Variants in NAA15 observed in about 807,000 individuals in gnomAD.
NAA15 encodes N-terminal acetyltransferase.
In NAA15, 34 loss-of-function variants were observed where a neutral mutation model predicts 114.0. The observed-to-expected ratio is 0.30, with a 90% CI of 0.23 to 0.40. The LOEUF is 0.40. Among genes scored for constraint, NAA15 ranks in the 10% least tolerant of loss-of-function variants. NAA15 has a pLI of 1.00. For missense variants in NAA15, 658 were observed against 1,004.5 expected (o/e 0.66, Z 4.66); for synonymous variants, 340 against 338.0 (o/e 1.01, Z -0.06).
Position 139,370,394 on chromosome 4 carries a change from A to G in NAA15, c.1937A>G (p.Lys646Arg). ...GGPKEELIPE[K>R]LAKVETPLEE... ...CCAAAAGAAGAACTTATTCCAGAGA[A>G]ACTGGCCAAGGTACTTAATAATAGT... Residue 646 changes from lysine to arginine, a missense_variant, in exon 15 of 20, where the codon AAA becomes AGA. By Grantham distance (26) the Lys-to-Arg change is conservative. Coordinates refer to ENST00000296543, the MANE Select transcript of NAA15 (RefSeq NM_057175.5). 1 of 1,575,516 alleles carries G rather than the reference A, an allele frequency of 6.3e-7. No individual in the cohort carries two copies. The highest frequency in any genetic ancestry group is 8.5e-7 in the Non-Finnish European group (1 of 1,169,606).
At chr4:139,328,415 C>T (rs896301112) in intron 1 of NAA15, among the ~76,000 whole-genome samples, 4 of 151,926 alleles carry the variant, frequency 2.6e-5, no homozygotes, top group Non-Finnish European at 4.4e-5. Context: ...ACCATGTTGT[C>T]CAGACTGGTT....
chr4:139,315,507 G>A (rs1746381789), intron 1 of NAA15, among the ~76,000 whole-genome samples: 1 of 151,822 alleles, frequency 6.6e-6, no homozygotes, highest in Non-Finnish European at 1.5e-5. Flanking sequence ...GACAGCGTGA[G>A]ACCGCGTCTC....
rs144926341 is a variant in NAA15 at position 139,357,897 on chromosome 4, G to T, written c.1257+342G>T. Among the ~76,000 whole-genome samples, 186 of 152,264 alleles carry T rather than the reference G, an allele frequency of 1.2e-3. 3 individuals carry two copies. In the East Asian group the frequency reaches 0.033, roughly 27 times the overall value. ...AATGTGTATTTCTATTAAAATTTGA[G>T]TATGATAACATATCAGTATCTGGCA... On this transcript the variant is annotated intron_variant, in intron 11 of 19. Transcript: ENST00000296543.
At chr4:139,310,387 G>C (rs1431387948) in intron 1 of NAA15, among the ~76,000 whole-genome samples, 2 of 148,754 alleles carry the variant, frequency 1.3e-5, no homozygotes, top group Admixed American at 6.7e-5. Context: ...CCAGGAGGCG[G>C]AGCTTGCAGT....
At chr4:139,377,071 G>A (rs1199953374) in intron 16 of NAA15, among the ~76,000 whole-genome samples, 1 of 152,170 alleles carries the variant, frequency 6.6e-6, no homozygotes, top group Non-Finnish European at 1.5e-5. Flanking sequence ...AGAGTACTGA[G>A]TTAATATTTT....
intron 1 of NAA15, among the ~76,000 whole-genome samples, chr4:139,317,840 A>G (rs1490749986): frequency 1.3e-5 from 2 of 152,146 alleles, no homozygotes; most frequent in African/African-American, 4.8e-5. Flanking sequence ...AATAACTATG[A>G]GGTTATATTT....
At chr4:139,316,409 C>G (rs1746412975) in intron 1 of NAA15, among the ~76,000 whole-genome samples, 1 of 151,782 alleles carries the variant, frequency 6.6e-6, no homozygotes, top group African/African-American at 2.4e-5. Flanking sequence ...CTCTCTAGGG[C>G]ATCTTTTGTA....
At chr4:139,354,888 A>AT (rs1042276855) in intron 10 of NAA15, among the ~76,000 whole-genome samples, 6 of 151,972 alleles carry the variant, frequency 3.9e-5, no homozygotes, top group Admixed American at 6.6e-5. Context: ...TAATATATAT[A>AT]TTTTTTGAGA....
intron 7 of NAA15, among the ~76,000 whole-genome samples, chr4:139,350,299 T>G (rs764778805): frequency 1.3e-5 from 2 of 152,162 alleles, no homozygotes; most frequent in African/African-American, 2.4e-5. Context: ...AAATTTCCAC[T>G]GACAGAAACG....
chr4:139,306,603 TTTTTG>T (rs956336361), intron 1 of NAA15, among the ~76,000 whole-genome samples: 17 of 148,560 alleles, frequency 1.1e-4, no homozygotes, highest in African/African-American at 2.7e-4. Flanking sequence ...TCTGGTTTTT[TTTTTG>T]TTTTGTTTTG....
Position 139,389,157 on chromosome 4 carries a change from G to C in NAA15, c.*1073G>C, listed in dbSNP as rs1488875503. The C allele has an allele frequency of 1.3e-5, 2 of 150,008 alleles. No individual in the cohort carries two copies. The highest frequency in any genetic ancestry group is 2.1e-4 in the South Asian group (1 of 4,768). The allele number at this position is 150,008 out of a possible 1,614,324, so 9.3% of individuals were successfully genotyped here. On this transcript the variant is annotated 3_prime_UTR_variant, in exon 20 of 20. Coordinates refer to ENST00000296543, the MANE Select transcript of NAA15 (RefSeq NM_057175.5). ...TATATTTCTTGCTCAGTTGTTTCAG[G>C]CAAGCCCAAGACTTTGTAATTTTTA...
intron 14 of NAA15, among the ~76,000 whole-genome samples, chr4:139,366,169 CT>C (rs1748277416): frequency 6.6e-6 from 1 of 151,834 alleles, no homozygotes; most frequent in Non-Finnish European, 1.5e-5. Flanking sequence ...TAAAATAACC[CT>C]TTTTTTGGGT....
In NAA15 at chr4:139,349,559, C is replaced by T; in HGVS notation, c.789C>T (p.Gly263=). Residue 263 remains glycine (G), a synonymous_variant, in exon 7 of 20, where the codon GGC becomes GGT. Coordinates refer to ENST00000296543, the MANE Select transcript of NAA15 (RefSeq NM_057175.5). ...CTGAAAACTGGGCCTATTACAAAGG[C>T]TTGGAAAAAGCACTCAAGCCAGGTA... ...RNPENWAYYK[G]LEKALKPANM... 6.2e-7 allele frequency: 1 copy of T among 1,609,780 alleles called. No individual in the cohort carries two copies. The highest frequency in any genetic ancestry group is 1.1e-5 in the South Asian group (1 of 89,436).
chr4:139,323,184 G>A (rs1196796467), intron 1 of NAA15, among the ~76,000 whole-genome samples: 1 of 151,584 alleles, frequency 6.6e-6, no homozygotes, highest in African/African-American at 2.4e-5. Flanking sequence ...AGCCTCCTGA[G>A]GAGCTGGAAT....
At chr4:139,337,473 GA>G (rs1747237175) in intron 3 of NAA15, among the ~76,000 whole-genome samples, 2 of 152,124 alleles carry the variant, frequency 1.3e-5, no homozygotes, top group African/African-American at 2.4e-5. Context: ...GTAAAATGGG[GA>G]TAATCATACC....
At position 139,354,038 on chromosome 4, in the gene NAA15, G is replaced by A; in HGVS notation, c.1027G>A (p.Glu343Lys). Residue 343 changes from glutamate (E) to lysine (K), a missense_variant, in exon 10 of 20, where the codon GAA (glutamate) becomes AAA (lysine). By Grantham distance (56) the Glu-to-Lys change is moderately conservative. This residue lies in a region of NAA15 where 281 missense variants were observed against 389.1 expected (regional missense o/e 0.72). Transcript: ENST00000296543. Reference protein sequence around the residue: ...YKDKEKVAIIEELVVGYETSL... With the variant: ...YKDKEKVAIIKELVVGYETSL... Reference sequence around the variant, plus strand: ...GTTTGTACTCTAGGTGGCAATCATAGAAGAGTTAGTAGTAGGTTATGAAAC... The same window carrying A: ...GTTTGTACTCTAGGTGGCAATCATAAAAGAGTTAGTAGTAGGTTATGAAAC... 6.2e-7 allele frequency: 1 copy of A among 1,613,442 alleles called. No homozygotes were observed. The highest frequency in any genetic ancestry group is 8.5e-7 in the Non-Finnish European group (1 of 1,179,602).
Position 139,301,567 on chromosome 4 carries a change from A to G in NAA15, c.-211A>G, listed in dbSNP as rs919877889. 5.1e-6 allele frequency: 3 copies of G among 583,576 alleles called. No individual in the cohort carries two copies. In the African/African-American group the frequency reaches 5.7e-5, roughly 11 times the overall value. 36.1% of individuals were successfully genotyped at this position (583,576 alleles called of 1,614,324 possible). The stretch of plus-strand genomic sequence containing the variant: ...CGCCGACGGAGACCCGTAGTGGGGG[A>G]GGCGGCGGCAGCGTTAAGTGAGAAA... On this transcript the variant is annotated 5_prime_UTR_variant, in exon 1 of 20. Transcript: ENST00000296543.
chr4:139,352,289 A>C (rs1338270735), intron 9 of NAA15, among the ~76,000 whole-genome samples: 1 of 151,774 alleles, frequency 6.6e-6, no homozygotes, highest in African/African-American at 2.4e-5. Flanking sequence ...TTGTATTTTT[A>C]ATAGAGACAG....
chr4:139,357,698 A>T, intron 11 of NAA15, 143 bp downstream of exon 11: 1 of 615,896 alleles, frequency 1.6e-6, no homozygotes, highest in East Asian at 2.9e-5. Flanking sequence ...TACATTTCTC[A>T]GTCCAATTAC....
Sources: allele counts gnomAD v4.1 joint callset (sites outside exome capture counted in the v4.1 genomes callset), GRCh38; gene constraint gnomAD v4.1.1; regional missense constraint gnomAD v4.1.1; transcripts MANE v1.5; gene names NCBI Gene and HGNC (gene_info 2026-07-23, HGNC 2026-07-21).